STK10: variants seen among roughly 807,000 people sequenced by gnomAD.
STK10 encodes the protein serine/threonine-protein kinase 10.
In STK10, 78 loss-of-function variants were observed where a neutral mutation model predicts 113.8. The observed-to-expected ratio is 0.69, with a 90% CI of 0.57 to 0.83. The LOEUF is 0.83. Ranked by LOEUF, STK10 falls within the 40% of genes least tolerant of loss-of-function variation. The pLI, the probability that STK10 is intolerant of heterozygous loss-of-function variation, is 0.00. For missense variants in STK10, 1,109 were observed against 1,280.1 expected (o/e 0.87, Z 2.04); for synonymous variants, 465 against 494.7 (o/e 0.94, Z 0.80).
At chr5:172,134,650 T>C in intron 2 of STK10, among the ~76,000 whole-genome samples, 1 of 151,326 alleles carries the variant, frequency 6.6e-6, no homozygotes, top group East Asian at 1.9e-4. Flanking sequence ...GGCTCACGCC[T>C]GTAATCTCAG....
chr5:172,067,485 G>C (rs1020569246), intron 12 of STK10, among the ~76,000 whole-genome samples: 1 of 151,850 alleles, frequency 6.6e-6, no homozygotes, highest in Non-Finnish European at 1.5e-5. Context: ...AATTTTCAAA[G>C]AAAAAGGCAA....
At position 172,043,125 on chromosome 5, in the gene STK10, C is replaced by T. The variant is rs557986024; in HGVS notation, c.*1757G>A. 3 of 148,560 alleles carry T rather than the reference C, an allele frequency of 2.0e-5. No homozygotes were observed. The highest frequency in any genetic ancestry group is 3.0e-5 in the Non-Finnish European group (2 of 67,566). The allele number at this position is 148,560 out of a possible 1,614,324, so 9.2% of individuals were successfully genotyped here. Reference sequence around the variant, plus strand: ...TTTTTTTTTTTGAGAGACAGAGTCTCGCCCTGTCACCTAGGCTGGAGTGCA... The same window carrying T: ...TTTTTTTTTTTGAGAGACAGAGTCTTGCCCTGTCACCTAGGCTGGAGTGCA... On this transcript the variant is annotated 3_prime_UTR_variant, in exon 19 of 19. Coordinates refer to ENST00000176763, the MANE Select transcript of STK10 (RefSeq NM_005990.4).
chr5:172,082,241 G>C lies in STK10; in HGVS notation c.1989+85C>G. 7 of 1,408,372 alleles carry C rather than the reference G, an allele frequency of 5.0e-6. No homozygotes were observed. The highest frequency in any genetic ancestry group is 5.6e-6 in the Non-Finnish European group (6 of 1,070,464). The allele number at this position is 1,408,372 out of a possible 1,614,324, so 87.2% of individuals were successfully genotyped here. On this transcript the variant is annotated intron_variant, in intron 12 of 18. Coordinates refer to ENST00000176763, the MANE Select transcript of STK10 (RefSeq NM_005990.4). The surrounding 1 kb of genome is among the most constrained non-coding windows in gnomAD (Gnocchi z 4.3). The stretch of plus-strand genomic sequence containing the variant: ...TTCAGCCGTACCCCTCTGCTGCCAA[G>C]GTGAGGTTGAGGCCACGATCACTTG...
intron 18 of STK10, among the ~76,000 whole-genome samples, chr5:172,048,414 T>TATACACACACACAC (rs1554114846): frequency 7.8e-6 from 1 of 128,394 alleles, no homozygotes; most frequent in Non-Finnish European, 1.6e-5. Flanking sequence ...TCCCTCTCCC[T>TATACACACACACAC]ACACACACAC....
At chr5:172,109,229 C>T (rs1769181943) in intron 4 of STK10, among the ~76,000 whole-genome samples, 1 of 152,170 alleles carries the variant, frequency 6.6e-6, no homozygotes, top group Admixed American at 6.5e-5. Flanking sequence ...AGGAAATATA[C>T]CACACTACTT....
Position 172,042,083 on chromosome 5 carries a change from CTTG to C in STK10, c.*2796_*2798del, listed in dbSNP as rs987678833. On this transcript the variant is annotated 3_prime_UTR_variant, in exon 19 of 19. Coordinates refer to ENST00000176763, the MANE Select transcript of STK10 (RefSeq NM_005990.4). ...AAGAACAACCTGAACGGCAAATAACCTTGTTATTTTATTAGAAGCATATTTACA... is the reference window on the plus strand; with the variant it reads ...AAGAACAACCTGAACGGCAAATAACCTTATTTTATTAGAAGCATATTTACA... 6 of 152,570 alleles carry C rather than the reference CTTG, an allele frequency of 3.9e-5. No individual in the cohort carries two copies. The highest frequency in any genetic ancestry group is 2.1e-4 in the South Asian group (1 of 4,832). The allele number at this position is 152,570 out of a possible 1,614,324, so 9.5% of individuals were successfully genotyped here. A position where few individuals can be genotyped will look rare whatever the true frequency, so the allele number is the denominator to read the frequency against.
intron 1 of STK10, among the ~76,000 whole-genome samples, chr5:172,178,425 G>A (rs963637640): frequency 6.6e-6 from 1 of 152,158 alleles, no homozygotes; most frequent in Non-Finnish European, 1.5e-5. Flanking sequence ...TCGGCTGGCT[G>A]CCTGCTTGTC....
intron 2 of STK10, among the ~76,000 whole-genome samples, chr5:172,128,180 C>T (rs1339434170): frequency 6.9e-6 from 1 of 144,824 alleles, no homozygotes; most frequent in Admixed American, 7.0e-5. Flanking sequence ...ACCCGCTGCA[C>T]TCCAGCCTGG....
chr5:172,121,520 T>G (rs534947682), intron 3 of STK10, among the ~76,000 whole-genome samples: 1 of 151,738 alleles, frequency 6.6e-6, no homozygotes, highest in African/African-American at 2.4e-5. Context: ...ATAAAAAAAA[T>G]TTTTGGCAGG....
intron 1 of STK10, among the ~76,000 whole-genome samples, chr5:172,172,108 T>G (rs1438320403): frequency 2.0e-5 from 3 of 152,200 alleles, no homozygotes; most frequent in Non-Finnish European, 4.4e-5. Flanking sequence ...GAGAATCTCT[T>G]GAACCCAGGT....
chr5:172,072,567 C>T (rs1483658998), intron 12 of STK10, among the ~76,000 whole-genome samples: 1 of 152,188 alleles, frequency 6.6e-6, no homozygotes, highest in Non-Finnish European at 1.5e-5. Context: ...CGCGCCTGGC[C>T]TCTTTTCTTT....
chr5:172,116,734 G>C (rs1489540177), intron 4 of STK10, among the ~76,000 whole-genome samples: 2 of 151,718 alleles, frequency 1.3e-5, no homozygotes, highest in Admixed American at 1.3e-4. Context: ...CAGGTGTGGT[G>C]GTGGGTGCCT....
At chr5:172,084,555 G>A (rs531378459) in intron 10 of STK10, among the ~76,000 whole-genome samples, 1 of 152,100 alleles carries the variant, frequency 6.6e-6, no homozygotes, top group East Asian at 1.9e-4. Flanking sequence ...TATATGTATT[G>A]TTTACTTTTC....
chr5:172,121,806 A>G (rs1769516855), intron 3 of STK10, among the ~76,000 whole-genome samples: 2 of 152,126 alleles, frequency 1.3e-5, no homozygotes, highest in East Asian at 1.9e-4. Context: ...GCTGCAAGCA[A>G]TCTCCTACCT....
intron 12 of STK10, among the ~76,000 whole-genome samples, chr5:172,073,762 C>T (rs1581141555): frequency 9.0e-6 from 1 of 111,578 alleles, no homozygotes; most frequent in African/African-American, 4.1e-5. Context: ...GCTTGGCCAA[C>T]ATGGTGAAAC....
At chr5:172,147,827 ACT>A (rs952614916) in intron 2 of STK10, among the ~76,000 whole-genome samples, 4 of 151,870 alleles carry the variant, frequency 2.6e-5, no homozygotes, top group African/African-American at 9.7e-5. Context: ...AAAGAGAGAG[ACT>A]CTGTTTCCTG....
intron 18 of STK10, among the ~76,000 whole-genome samples, chr5:172,048,630 C>T (rs1306232514): frequency 1.3e-5 from 2 of 150,262 alleles, no homozygotes; most frequent in Non-Finnish European, 2.9e-5. Context: ...GTTCAAGATA[C>T]CACCCTAGTC....
rs1209170667 is a variant in STK10, at chr5:172,187,424, A to C, written c.156+463T>G. Among the ~76,000 whole-genome samples the C allele has an allele frequency of 6.8e-6, 1 of 146,892 alleles. No homozygotes were observed. ...TCTTCAGATGTGTCCCTAGCTCCCA[A>C]CCCGTCCAAGCGCAGCCGAGTTTCT... On this transcript the variant is annotated intron_variant, in intron 1 of 18. Coordinates refer to ENST00000176763, the MANE Select transcript of STK10 (RefSeq NM_005990.4). This position sits in a 1 kb window ranked among gnomAD's most constrained non-coding sequence, Gnocchi z 4.6.
chr5:172,096,621 G>C (rs1440619459), intron 7 of STK10, 61 bp from the exon 8 acceptor site: 6 of 1,591,118 alleles, frequency 3.8e-6, no homozygotes, highest in Non-Finnish European at 5.1e-6. Flanking sequence ...GGTGGAAGAG[G>C]CTGGGGGAGC....
Sources: allele counts gnomAD v4.1 joint callset (sites outside exome capture counted in the v4.1 genomes callset), GRCh38; gene constraint gnomAD v4.1.1; non-coding constraint Gnocchi (gnomAD v3.1); transcripts MANE v1.5; gene names NCBI Gene and HGNC (gene_info 2026-07-23, HGNC 2026-07-21).